Variants in UBAC1 observed in about 807,000 individuals in gnomAD.
The protein encoded by UBAC1 is UBA domain containing 1, also known as ubiquitin-associated domain-containing protein 1.
UBAC1 carries 27 observed loss-of-function variants against 45.9 expected under a neutral mutation model. The ratio of observed to expected loss-of-function variants is 0.59; its 90% CI spans 0.43 to 0.81. UBAC1 has a LOEUF of 0.81. Ranked by LOEUF, UBAC1 falls within the 30% of genes least tolerant of loss-of-function variation. The pLI, the probability that UBAC1 is intolerant of heterozygous loss-of-function variation, is 0.00. For missense variants in UBAC1, 529 were observed against 539.2 expected (o/e 0.98, Z 0.19); for synonymous variants, 227 against 215.5 (o/e 1.05, Z -0.47).
intron 3 of UBAC1, among the ~76,000 whole-genome samples, chr9:135,951,596 G>C (rs968886973): frequency 6.6e-6 from 1 of 152,206 alleles, no homozygotes; most frequent in Non-Finnish European, 1.5e-5. Flanking sequence ...ATCACCCGAG[G>C]TCAGGAGATC....
At chr9:135,950,945 TAGTC>T (rs1839399756) in intron 3 of UBAC1, among the ~76,000 whole-genome samples, 2 of 151,934 alleles carry the variant, frequency 1.3e-5, no homozygotes, top group African/African-American at 4.8e-5. Context: ...ATACAAAAAT[TAGTC>T]AGGTGTGGTG....
At position 135,945,059 on chromosome 9, in the gene UBAC1, C is replaced by T. The variant is rs770219279; in HGVS notation, c.845G>A (p.Arg282Gln). 1.2e-6 allele frequency: 2 copies of T among 1,613,922 alleles called. No individual in the cohort carries two copies. The highest frequency in any genetic ancestry group is 1.7e-6 in the Non-Finnish European group (2 of 1,179,932). Residue 282 changes from arginine (R) to glutamine (Q), a missense_variant, in exon 7 of 10, where the codon CGG becomes CAG. Arg to Gln is a conservative substitution (Grantham distance 43). Coordinates refer to ENST00000371756, the MANE Select transcript of UBAC1 (RefSeq NM_016172.3). ...DELTEIFKKI[R>Q]RKREFRADAR... ...ATCAGCCCGAAACTCCCTTTTCCTC[C>T]GGATCTTCTTGAAGATTTCCGTCAG... is the stretch of plus-strand genomic sequence containing the variant.
At chr9:135,942,503 A>G (rs1320142845) in intron 7 of UBAC1, among the ~76,000 whole-genome samples, 1 of 152,124 alleles carries the variant, frequency 6.6e-6, no homozygotes, top group Non-Finnish European at 1.5e-5. Context: ...TTTAAAAAAT[A>G]AAAAATTAGC....
intron 2 of UBAC1, among the ~76,000 whole-genome samples, chr9:135,954,198 T>C (rs943394243): frequency 2.7e-5 from 4 of 150,484 alleles, no homozygotes; most frequent in Non-Finnish European, 5.9e-5. Flanking sequence ...GGCTCACTCC[T>C]GTAATCCCAG....
chr9:135,939,356 C>T (rs889576354), intron 8 of UBAC1, among the ~76,000 whole-genome samples: 3 of 152,260 alleles, frequency 2.0e-5, no homozygotes, highest in East Asian at 3.9e-4. Context: ...GCCACATAGC[C>T]GGCTGCATGT....
At chr9:135,941,935 C>G (rs890703015) in intron 7 of UBAC1, among the ~76,000 whole-genome samples, 8 of 152,212 alleles carry the variant, frequency 5.3e-5, no homozygotes, top group Non-Finnish European at 1.2e-4. Flanking sequence ...TGTACAGAAA[C>G]CAAAGGCTAG....
chr9:135,958,069 C>T (rs1465420927), intron 1 of UBAC1, among the ~76,000 whole-genome samples: 2 of 132,972 alleles, frequency 1.5e-5, no homozygotes, highest in South Asian at 2.3e-4. Context: ...TTTTTTGAGA[C>T]GGAGTCTCTC....
chr9:135,957,252 G>A (rs1232590153), intron 1 of UBAC1, among the ~76,000 whole-genome samples: 1 of 152,106 alleles, frequency 6.6e-6, no homozygotes, highest in Non-Finnish European at 1.5e-5. Context: ...GCAGCTACTA[G>A]GAAGACACAC....
chr9:135,944,025 A>G (rs1564196127), intron 7 of UBAC1, among the ~76,000 whole-genome samples: 2 of 152,218 alleles, frequency 1.3e-5, no homozygotes, highest in South Asian at 2.1e-4. Flanking sequence ...GCTGGGCTTC[A>G]TACCTAGGTG....
rs373531170 is a variant in UBAC1 at position 135,952,662 on chromosome 9, G to A, written c.333+1018C>T. Among the ~76,000 whole-genome samples the A allele has an allele frequency of 3.8e-3, 582 of 152,306 alleles. 4 individuals are homozygous for A. The highest frequency in any genetic ancestry group is 0.013 in the African/African-American group (553 of 41,572). On this transcript the variant is annotated intron_variant, in intron 3 of 9. Transcript: ENST00000371756. ...GTTTTGCAAGAAATAGACAAGACAG[G>A]CAGAACTCAGCCTCTCTCAGCATTA...
intron 5 of UBAC1, 73 bp from the exon 6 acceptor site, chr9:135,946,070 C>T: frequency 7.1e-7 from 1 of 1,407,758 alleles, no homozygotes; most frequent in South Asian, 1.2e-5. Context: ...CAAACATTTG[C>T]AGCAATTATC....
chr9:135,950,313 A>G (rs918860757), intron 3 of UBAC1, among the ~76,000 whole-genome samples: 1 of 152,220 alleles, frequency 6.6e-6, no homozygotes, highest in African/African-American at 2.4e-5. Flanking sequence ...AAACTCTAAC[A>G]CGGGAAAGAG....
In UBAC1 at chr9:135,938,288, G is replaced by A; in HGVS notation, c.1036C>T (p.Leu346Phe). Residue 346 changes from leucine (L) to phenylalanine (F), a missense_variant, in exon 9 of 10, where the codon CTC becomes TTC. Transcript: ENST00000371756. ...LDKGIDPDSP[L>F]FQAILDNPVV... ...GGGTTATCCAGGATGGCCTGAAAGA[G>A]AGGACTGTCGGGGTCGATGCCCTTG... is the stretch of plus-strand genomic sequence containing the variant. The A allele has an allele frequency of 6.2e-7, 1 of 1,614,220 alleles. No homozygotes were observed. The highest frequency in any genetic ancestry group is 8.5e-7 in the Non-Finnish European group (1 of 1,180,054).
intron 8 of UBAC1, among the ~76,000 whole-genome samples, chr9:135,939,202 A>G (rs1034070999): frequency 9.1e-5 from 13 of 143,052 alleles, no homozygotes; most frequent in Non-Finnish European, 2.1e-4. Flanking sequence ...CCCTGACTCC[A>G]AAAAAATTAA....
rs1588528098 is a variant in UBAC1 at position 135,933,044 on chromosome 9, G to A, written c.*356C>T. ...ATTAGCATGCTTGACATTAACTCTG[G>A]GTTGAAACCTACCTCCGTCAAATAA... On this transcript the variant is annotated 3_prime_UTR_variant, in exon 10 of 10. Coordinates refer to ENST00000371756, the MANE Select transcript of UBAC1 (RefSeq NM_016172.3). The A allele has an allele frequency of 1.6e-5, 3 of 193,330 alleles. No individual in the cohort carries two copies. The highest frequency in any genetic ancestry group is 3.2e-5 in the Non-Finnish European group (3 of 95,106). 12.0% of individuals were successfully genotyped at this position (193,330 alleles called of 1,614,324 possible).
In UBAC1 at chr9:135,961,012, G is replaced by T; in HGVS notation, c.138+13C>A. On this transcript the variant is annotated intron_variant, in intron 1 of 9. Transcript: ENST00000371756. ...AGCGGGTGTTGGGGGCAGGGGAGGG[G>T]GCCCGGCCTTACGTGCTTGAGGCAG... 1 of 1,541,010 alleles carries T rather than the reference G, an allele frequency of 6.5e-7. No individual in the cohort carries two copies. Among genetic ancestry groups the T allele is most frequent in the Non-Finnish European group, 8.7e-7 (1 of 1,148,582 alleles).
At chr9:135,959,537 G>A (rs1005466342) in intron 1 of UBAC1, among the ~76,000 whole-genome samples, 1 of 152,010 alleles carries the variant, frequency 6.6e-6, no homozygotes, top group Admixed American at 6.6e-5. Context: ...ACCACGCCCC[G>A]CTAATTTTTT....
intron 1 of UBAC1, among the ~76,000 whole-genome samples, chr9:135,959,461 G>A (rs945133053): frequency 4.3e-5 from 6 of 139,456 alleles, no homozygotes; most frequent in African/African-American, 1.6e-4. Flanking sequence ...TGCAACCTCC[G>A]CCTCCCGGGT....
At chr9:135,959,011 T>C (rs1402490215) in intron 1 of UBAC1, among the ~76,000 whole-genome samples, 1 of 152,182 alleles carries the variant, frequency 6.6e-6, no homozygotes, top group Non-Finnish European at 1.5e-5. Flanking sequence ...ATAATTAGCA[T>C]TGCATCGGAA....
Sources: allele counts gnomAD v4.1 joint callset (sites outside exome capture counted in the v4.1 genomes callset), GRCh38; gene constraint gnomAD v4.1.1; transcripts MANE v1.5; gene names NCBI Gene and HGNC (gene_info 2026-07-23, HGNC 2026-07-21).